The following PCDH15 variants were observed in gnomAD, a reference collection of about 807,000 sequenced individuals.
PCDH15 encodes protocadherin-15.
In PCDH15, 129 loss-of-function variants were observed where a neutral mutation model predicts 178.5. The ratio of observed to expected loss-of-function variants is 0.72; its 90% CI spans 0.63 to 0.84. The LOEUF is 0.84. PCDH15 is among the 40% of genes least tolerant of loss of function. The pLI is 0.00. For synonymous variants in PCDH15, 800 were observed against 732.0 expected (o/e 1.09, Z -1.50); for missense variants, 2,230 against 2,099.9 (o/e 1.06, Z -1.21).
rs35484370 is a variant in PCDH15, at chr10:55,581,489, G to GTT, written c.-156+46134_-156+46135dup. On this transcript the variant is annotated intron_variant, in intron 2 of 5. Coordinates refer to the PCDH15 transcript ENST00000613346. ...AGTATGAAGGAGGTCTATTTGCTCTGTTTTTTTTAAATGTAAATTTTGCTT... is the reference window on the plus strand; with the variant it reads ...AGTATGAAGGAGGTCTATTTGCTCTGTTTTTTTTTTAAATGTAAATTTTGCTT... Among the ~76,000 whole-genome samples the GTT allele has an allele frequency of 1.6e-4, 24 of 151,300 alleles. No individual in the cohort carries two copies. In the East Asian group the frequency reaches 3.0e-3, roughly 19 times the overall value.
intron 1 of PCDH15, among the ~76,000 whole-genome samples, chr10:54,786,664 G>C (rs1352586744): frequency 6.6e-6 from 1 of 151,784 alleles, no homozygotes. Context: ...TTAAATGAAG[G>C]GTATGCTTTG....
At chr10:55,315,204 CA>C (rs1843692880) in intron 1 of PCDH15, among the ~76,000 whole-genome samples, 1 of 152,024 alleles carries the variant, frequency 6.6e-6, no homozygotes, top group Non-Finnish European at 1.5e-5. Flanking sequence ...ATTTGAATTT[CA>C]AAAGATCACT....
At chr10:54,885,993 A>G (rs1417282466) in intron 3 of PCDH15, among the ~76,000 whole-genome samples, 2 of 152,132 alleles carry the variant, frequency 1.3e-5, no homozygotes, top group Non-Finnish European at 2.9e-5. Context: ...TAACAAATAG[A>G]CATACACAAT....
At chr10:53,989,013 A>C (rs1669695880) in intron 21 of PCDH15, among the ~76,000 whole-genome samples, 1 of 152,160 alleles carries the variant, frequency 6.6e-6, no homozygotes, top group Non-Finnish European at 1.5e-5. Context: ...GATGTGCAAA[A>C]ACTAAAACTG....
chr10:55,313,083 C>T (rs976417258), intron 1 of PCDH15, among the ~76,000 whole-genome samples: 1 of 152,118 alleles, frequency 6.6e-6, no homozygotes, highest in East Asian at 1.9e-4. Context: ...TTAGGAGTTC[C>T]TGTCCCCATA....
At chr10:54,020,623 G>C (rs922036801) in intron 19 of PCDH15, among the ~76,000 whole-genome samples, 1 of 151,388 alleles carries the variant, frequency 6.6e-6, no homozygotes, top group African/African-American at 2.4e-5. Flanking sequence ...AAAGATGGAG[G>C]CAGGGAGGAA....
intron 1 of PCDH15, among the ~76,000 whole-genome samples, chr10:54,757,120 C>T (rs1402222346): frequency 2.0e-5 from 3 of 152,142 alleles, no homozygotes; most frequent in Admixed American, 6.5e-5. Flanking sequence ...TGCTTCCAGC[C>T]GGGGTATATT....
chr10:53,995,675 C>T lies in PCDH15; in HGVS notation c.2842G>A (p.Val948Ile), dbSNP rs748516431. The T allele has an allele frequency of 6.2e-7, 1 of 1,613,948 alleles. No homozygotes were observed. The highest frequency in any genetic ancestry group is 8.5e-7 in the Non-Finnish European group (1 of 1,179,840). Residue 948 changes from valine to isoleucine, a missense_variant, in exon 21 of 38, where the codon GTT becomes ATT. Physicochemically the swap from Val to Ile is conservative, Grantham distance 29. Transcript: ENST00000644397. ...DAVKGTPITT[V>I]YAEDADPPGL... The stretch of plus-strand genomic sequence containing the variant: ...GGAGGGTCTGCATCTTCAGCATAAA[C>T]TGTTGTGATAGGTGTACCCTTGACT...
intron 21 of PCDH15, among the ~76,000 whole-genome samples, chr10:53,980,213 T>G (rs1361853094): frequency 8.7e-6 from 1 of 114,328 alleles, no homozygotes; most frequent in Non-Finnish European, 1.7e-5. Flanking sequence ...AGAGTGAGAC[T>G]CCATCTCAAA....
At chr10:55,035,458 T>C (rs1387931612) in intron 2 of PCDH15, among the ~76,000 whole-genome samples, 2 of 152,154 alleles carry the variant, frequency 1.3e-5, no homozygotes, top group Non-Finnish European at 2.9e-5. Flanking sequence ...GTTCATATTA[T>C]CCTCTCTGTA....
Position 54,757,285 on chromosome 10 carries a change from T to TCC in PCDH15, c.-29+43639_-29+43640insGG, listed in dbSNP as rs1376052817. ...TTGCTCAGAATTCTACCTTTTTTTT[T>TCC]TTTTTTTTTTTTTTTGAGACGGAGT... On this transcript the variant is annotated intron_variant, in intron 1 of 37. Transcript: ENST00000644397. Among the ~76,000 whole-genome samples the TCC allele has an allele frequency of 6.1e-4, 18 of 29,554 alleles. 2 individuals are homozygous for TCC. Among genetic ancestry groups the TCC allele is most frequent in the Non-Finnish European group, 1.0e-3 (13 of 12,840 alleles). The allele number at this position is 29,554 out of a possible 152,430, so 19.4% of individuals were successfully genotyped here. A position where few individuals can be genotyped will look rare whatever the true frequency, so the allele number is the denominator to read the frequency against.
chr10:55,388,178 C>T (rs186289074), intron 2 of PCDH15, among the ~76,000 whole-genome samples: 1 of 152,020 alleles, frequency 6.6e-6, no homozygotes. Flanking sequence ...CTTGGAAACA[C>T]CGCTTCACAA....
At chr10:54,648,608 C>T (rs934955039) in intron 2 of PCDH15, among the ~76,000 whole-genome samples, 15 of 151,936 alleles carry the variant, frequency 9.9e-5, no homozygotes, top group Admixed American at 8.5e-4. Flanking sequence ...CTATAAAATA[C>T]AATGTGTGTG....
intron 10 of PCDH15, among the ~76,000 whole-genome samples, chr10:54,207,035 A>T (rs868793055): frequency 9.9e-5 from 15 of 152,178 alleles, no homozygotes; most frequent in African/African-American, 2.9e-4. Context: ...AGAATGGATA[A>T]ATTGCCTTTC....
intron 28 of PCDH15, among the ~76,000 whole-genome samples, chr10:53,841,719 C>T (rs1220093764): frequency 1.3e-5 from 2 of 152,196 alleles, no homozygotes; most frequent in African/African-American, 4.8e-5. Flanking sequence ...GCCCACTGGT[C>T]TCTCGGCTTC....
At chr10:55,570,148 G>T (rs1267423744) in intron 2 of PCDH15, among the ~76,000 whole-genome samples, 2 of 151,754 alleles carry the variant, frequency 1.3e-5, no homozygotes, top group East Asian at 3.9e-4. Flanking sequence ...GCTTCTCTTT[G>T]TTTCTTAAAA....
At chr10:54,870,437 G>C (rs1591754465) in intron 3 of PCDH15, among the ~76,000 whole-genome samples, 1 of 152,100 alleles carries the variant, frequency 6.6e-6, no homozygotes, top group African/African-American at 2.4e-5. Context: ...ATACTTATTT[G>C]AGAATATAAA....
intron 2 of PCDH15, among the ~76,000 whole-genome samples, chr10:55,443,993 A>T (rs1448064086): frequency 6.6e-6 from 1 of 152,170 alleles, no homozygotes; most frequent in Non-Finnish European, 1.5e-5. Flanking sequence ...AGGGAAATGC[A>T]TGAAGCTGGA....
chr10:54,662,749 C>T (rs1193762891), intron 2 of PCDH15, among the ~76,000 whole-genome samples: 2 of 151,952 alleles, frequency 1.3e-5, no homozygotes, highest in Admixed American at 6.6e-5. Context: ...TCAGTGTGAA[C>T]ACTTAATAAG....
Sources: allele counts gnomAD v4.1 joint callset (sites outside exome capture counted in the v4.1 genomes callset), GRCh38; gene constraint gnomAD v4.1.1; transcripts MANE v1.5; gene names NCBI Gene and HGNC (gene_info 2026-07-23, HGNC 2026-07-21).